DIAPH2: variants seen among roughly 807,000 people sequenced by gnomAD.
The protein encoded by DIAPH2 is protein diaphanous homolog 2.
In DIAPH2, 35 loss-of-function variants were observed where a neutral mutation model predicts 92.7. The observed-to-expected ratio is 0.38, with a 90% CI of 0.29 to 0.50. The LOEUF (loss-of-function observed/expected upper bound fraction) is 0.50. Ranked by LOEUF, DIAPH2 falls within the 20% of genes least tolerant of loss-of-function variation. The pLI is 0.94. For synonymous variants in DIAPH2, 301 were observed against 280.4 expected (o/e 1.07, Z -0.73); for missense variants, 701 against 819.5 (o/e 0.86, Z 1.77).
intron 13 of DIAPH2, among the ~76,000 whole-genome samples, chrX:96,942,958 A>T (rs1357023701): frequency 8.9e-6 from 1 of 111,932 alleles, no homozygotes; most frequent in East Asian, 2.8e-4. Context: ...ACATTCAAAG[A>T]TGGATAACTT....
intron 4 of DIAPH2, among the ~76,000 whole-genome samples, chrX:96,824,243 C>A (rs1437682793): frequency 9.0e-6 from 1 of 110,718 alleles, no homozygotes; most frequent in Non-Finnish European, 1.9e-5. Flanking sequence ...AAAAATAACG[C>A]CTTGTAAGGG....
chrX:96,921,265 A>G (rs1247130174), intron 9 of DIAPH2, among the ~76,000 whole-genome samples: 1 of 111,332 alleles, frequency 9.0e-6, no homozygotes, highest in Non-Finnish European at 1.9e-5. Context: ...TTTTGTACCT[A>G]TGATAGGATT....
intron 5 of DIAPH2, among the ~76,000 whole-genome samples, chrX:96,908,318 C>T (rs1282270081): frequency 9.0e-6 from 1 of 110,886 alleles, no homozygotes; most frequent in Non-Finnish European, 1.9e-5. Context: ...TAATTTTCCT[C>T]CGTTTTTCCT....
chrX:96,868,867 G>A (rs1335667022), intron 4 of DIAPH2, among the ~76,000 whole-genome samples: 1 of 111,780 alleles, frequency 8.9e-6, no homozygotes, highest in African/African-American at 3.3e-5. Flanking sequence ...AAGAAACCGA[G>A]AATCTGTATA....
intron 24 of DIAPH2, among the ~76,000 whole-genome samples, chrX:97,361,752 G>A (rs1014152114): frequency 4.5e-5 from 5 of 111,712 alleles, no homozygotes; most frequent in East Asian, 5.6e-4. Flanking sequence ...ATATGGGGAC[G>A]TCTAACAAAG....
intron 23 of DIAPH2, among the ~76,000 whole-genome samples, chrX:97,325,879 A>G (rs2068947389): frequency 8.9e-6 from 1 of 112,013 alleles, no homozygotes; most frequent in African/African-American, 3.2e-5. Context: ...GCCCGGCCTA[A>G]TGTTATTTTA....
chrX:97,103,169 G>A (rs1355276454), intron 20 of DIAPH2, among the ~76,000 whole-genome samples: 3 of 111,462 alleles, frequency 2.7e-5, no homozygotes, highest in African/African-American at 9.8e-5. Flanking sequence ...GCCTACTTTA[G>A]GTGGTAGTAT....
At chrX:96,757,075 G>A (rs1179542023) in intron 3 of DIAPH2, among the ~76,000 whole-genome samples, 3 of 108,160 alleles carry the variant, frequency 2.8e-5, no homozygotes, top group Non-Finnish European at 5.8e-5. Context: ...CCGCCACCAC[G>A]CCTGGCTAAT....
chrX:97,403,048 C>G (rs1056745994), intron 25 of DIAPH2, among the ~76,000 whole-genome samples: 1 of 111,896 alleles, frequency 8.9e-6, no homozygotes, highest in Non-Finnish European at 1.9e-5. Flanking sequence ...AGCAGCAGAG[C>G]AGTAAACCAA....
chrX:96,836,714 T>TAC (rs2064893425), intron 4 of DIAPH2, among the ~76,000 whole-genome samples: 1 of 23,052 alleles, frequency 4.3e-5, no homozygotes, highest in Admixed American at 8.1e-4. Context: ...TATATATATA[T>TAC]ATATTTTTTT....
chrX:96,878,902 C>A (rs1363973107), intron 4 of DIAPH2, among the ~76,000 whole-genome samples: 1 of 111,961 alleles, frequency 8.9e-6, no homozygotes, highest in Non-Finnish European at 1.9e-5. Context: ...AGTCTCAGAA[C>A]TATAATATTC....
At chrX:96,775,796 G>A (rs1029681217) in intron 4 of DIAPH2, among the ~76,000 whole-genome samples, 5 of 111,281 alleles carry the variant, frequency 4.5e-5, no homozygotes, top group African/African-American at 1.3e-4. Context: ...CTCTTTATCT[G>A]TACTTACTCT....
chrX:96,868,269 C>T (rs2065118165), intron 4 of DIAPH2, among the ~76,000 whole-genome samples: 1 of 112,129 alleles, frequency 8.9e-6, no homozygotes, highest in Admixed American at 9.4e-5. Flanking sequence ...TATATGGATG[C>T]TGAGACTAAT....
intron 16 of DIAPH2, among the ~76,000 whole-genome samples, chrX:96,962,476 T>C (rs1483278903): frequency 8.4e-4 from 20 of 23,779 alleles, no homozygotes; most frequent in Non-Finnish European, 1.4e-3. Flanking sequence ...TACATATATA[T>C]ATACACACAC....
chrX:96,897,240 G>C (rs775276349), intron 5 of DIAPH2, among the ~76,000 whole-genome samples: 26 of 111,262 alleles, frequency 2.3e-4, no homozygotes, highest in Non-Finnish European at 4.7e-4. Context: ...GAGTTCTATA[G>C]TGTTGAATTC....
chrX:97,323,075 T>G (rs781174839), intron 23 of DIAPH2, among the ~76,000 whole-genome samples: 2 of 106,201 alleles, frequency 1.9e-5, no homozygotes, highest in Admixed American at 2.0e-4. Context: ...CGGCTAATTT[T>G]TGTATATTTT....
intron 24 of DIAPH2, among the ~76,000 whole-genome samples, chrX:97,383,582 A>C (rs148239165): frequency 9.4e-6 from 1 of 106,552 alleles, no homozygotes; most frequent in Admixed American, 1.1e-4. Flanking sequence ...TGTAACATTG[A>C]TGTCCTTAAT....
chrX:97,295,707 C>T lies in DIAPH2; in HGVS notation c.2844+47868C>T, dbSNP rs2068637167. 2.8e-5 allele frequency among the ~76,000 whole-genome samples: 3 copies of T among 107,423 alleles called. No individual in the cohort carries two copies. In the South Asian group the frequency reaches 1.2e-3, roughly 44 times the overall value. 93.3% of individuals were successfully genotyped at this position (107,423 alleles called of 115,157 possible). Reference sequence around the variant, plus strand: ...CTTAATCACTGCATTCAGTTGCTTGCTAAATTAATACATGCTGTATTTTCT... The same window carrying T: ...CTTAATCACTGCATTCAGTTGCTTGTTAAATTAATACATGCTGTATTTTCT... On this transcript the variant is annotated intron_variant, in intron 23 of 26. Coordinates refer to ENST00000324765, the MANE Select transcript of DIAPH2 (RefSeq NM_006729.5).
chrX:97,423,184 G>T (rs1433970530), intron 25 of DIAPH2, among the ~76,000 whole-genome samples: 1 of 110,920 alleles, frequency 9.0e-6, no homozygotes, highest in South Asian at 3.9e-4. Context: ...TTCCTAGAGG[G>T]AGATATAACC....
Sources: allele counts gnomAD v4.1 joint callset (sites outside exome capture counted in the v4.1 genomes callset), GRCh38; gene constraint gnomAD v4.1.1; transcripts MANE v1.5; gene names NCBI Gene and HGNC (gene_info 2026-07-23, HGNC 2026-07-21).